Variants in MAP2 observed in about 807,000 individuals in gnomAD.
MAP2 encodes microtubule-associated protein 2.
MAP2 carries 14 observed loss-of-function variants against 137.6 expected under a neutral mutation model. That is an observed-to-expected ratio of 0.10 (90% CI 0.07 to 0.16). The LOEUF is 0.16. Among genes scored for constraint, MAP2 ranks in the 10% least tolerant of loss-of-function variants. The pLI, the probability that MAP2 is intolerant of heterozygous loss-of-function variation, is 1.00. For missense variants in MAP2, 2,088 were observed against 2,191.5 expected, an observed-to-expected ratio of 0.95 and a Z score of 0.94; for synonymous variants, 786 against 782.3, an observed-to-expected ratio of 1.00 and a Z score of -0.08.
chr2:209,495,634 T>C (rs2059660420), intron 1 of MAP2, among the ~76,000 whole-genome samples: 1 of 152,234 alleles, frequency 6.6e-6, no homozygotes. Context: ...AGAAAGGTAC[T>C]GGATATTCAA....
At chr2:209,679,910 A>G (rs3768817) in intron 6 of MAP2, among the ~76,000 whole-genome samples, 7,038 of 152,186 alleles carry the variant, frequency 0.046, 230 homozygotes, top group East Asian at 0.16. Context: ...TCTGCCTCTA[A>G]TAACTACTTT....
intron 3 of MAP2, among the ~76,000 whole-genome samples, chr2:209,582,358 AT>A (rs2076619897): frequency 6.6e-6 from 1 of 152,042 alleles, no homozygotes; most frequent in Non-Finnish European, 1.5e-5. Context: ...ACGGAATAGG[AT>A]TTTTCTGGTT....
intron 1 of MAP2, among the ~76,000 whole-genome samples, chr2:209,500,891 G>A (rs62213450): frequency 0.18 from 27,332 of 151,822 alleles, 3,159 homozygotes; most frequent in Non-Finnish European, 0.26. Context: ...AGAAAAATTA[G>A]TTGGGCATGG....
At chr2:209,578,633 A>G (rs74894331) in intron 2 of MAP2, among the ~76,000 whole-genome samples, 1,659 of 152,256 alleles carry the variant, frequency 0.011, 32 homozygotes, top group African/African-American at 0.037. Context: ...AATGCTGTAA[A>G]AATTAACTTA....
intron 1 of MAP2, among the ~76,000 whole-genome samples, chr2:209,479,813 A>G (rs144746780): frequency 2.0e-5 from 3 of 152,266 alleles, no homozygotes; most frequent in East Asian, 3.9e-4. Flanking sequence ...AGACTTGGTA[A>G]ATTATAACTT....
At chr2:209,666,691 C>G (rs1253405618) in intron 5 of MAP2, among the ~76,000 whole-genome samples, 1 of 151,826 alleles carries the variant, frequency 6.6e-6, no homozygotes. Context: ...TTAAATTACT[C>G]TAGCTGACTA....
chr2:209,714,519 A>G (rs1211401504), intron 13 of MAP2, among the ~76,000 whole-genome samples: 2 of 152,244 alleles, frequency 1.3e-5, no homozygotes, highest in Non-Finnish European at 2.9e-5. Flanking sequence ...AGAACTTTGT[A>G]AAATTTGTCA....
intron 1 of MAP2, among the ~76,000 whole-genome samples, chr2:209,475,376 A>G (rs1706952394): frequency 6.6e-6 from 1 of 152,118 alleles, no homozygotes; most frequent in South Asian, 2.1e-4. Context: ...CTGAAAGGCC[A>G]AATACTCCCT....
At chr2:209,452,830 A>G (rs1700626347) in intron 1 of MAP2, among the ~76,000 whole-genome samples, 1 of 152,156 alleles carries the variant, frequency 6.6e-6, no homozygotes, top group African/African-American at 2.4e-5. Context: ...CTTTGCTGCA[A>G]TCTTATAGCA....
intron 2 of MAP2, among the ~76,000 whole-genome samples, chr2:209,531,509 G>A (rs1423890724): frequency 6.6e-6 from 1 of 152,192 alleles, no homozygotes; most frequent in Non-Finnish European, 1.5e-5. Flanking sequence ...ATAATTAAAT[G>A]TGTGTTTGCC....
At chr2:209,443,379 T>A (rs974774043) in intron 1 of MAP2, among the ~76,000 whole-genome samples, 5 of 151,692 alleles carry the variant, frequency 3.3e-5, no homozygotes, top group African/African-American at 1.2e-4. Context: ...TACTATGTAC[T>A]GAATAATTAT....
rs535438273 is a variant in MAP2, at chr2:209,653,328, A to T, written c.158A>T (p.Asp53Val). The T allele has an allele frequency of 1.9e-6, 3 of 1,614,128 alleles. No individual in the cohort carries two copies. The Admixed American group carries it at 5.0e-5, about 27-fold the overall frequency. Reference sequence around the variant, plus strand: ...GCCAATGGATTCCCATACAGGGAGGATGAAGAGGGTGCCTTTGGAGAGCAT... The same window carrying T: ...GCCAATGGATTCCCATACAGGGAGGTTGAAGAGGGTGCCTTTGGAGAGCAT... ...RSANGFPYRE[D>V]EEGAFGEHGS... The change falls in exon 5 of 16, where the codon GAT (aspartate) becomes GTT (valine). Residue 53 changes from aspartate (D) to valine (V), a missense_variant. Coordinates refer to ENST00000682079, the MANE Select transcript of MAP2 (RefSeq NM_001375505.1).
intron 4 of MAP2, among the ~76,000 whole-genome samples, chr2:209,648,074 C>G (rs2094522878): frequency 6.6e-6 from 1 of 151,118 alleles, no homozygotes; most frequent in Non-Finnish European, 1.5e-5. Flanking sequence ...ATATCTCACC[C>G]TGATATCAAT....
chr2:209,460,201 A>G (rs1366864202), intron 1 of MAP2, among the ~76,000 whole-genome samples: 7 of 152,190 alleles, frequency 4.6e-5, no homozygotes, highest in Admixed American at 4.6e-4. Flanking sequence ...AAATTCTGGA[A>G]TTATCGTTTT....
At chr2:209,460,318 A>C (rs537946475) in intron 1 of MAP2, among the ~76,000 whole-genome samples, 1 of 152,196 alleles carries the variant, frequency 6.6e-6, no homozygotes, top group Non-Finnish European at 1.5e-5. Context: ...TATGTCAGCT[A>C]TGCCTATTCA....
intron 7 of MAP2, among the ~76,000 whole-genome samples, chr2:209,691,321 G>A (rs889167084): frequency 6.6e-6 from 1 of 151,722 alleles, no homozygotes; most frequent in African/African-American, 2.4e-5. Context: ...TATTTTTTAT[G>A]CTTCAATGAA....
intron 2 of MAP2, among the ~76,000 whole-genome samples, chr2:209,539,933 C>T (rs374949949): frequency 3.4e-5 from 3 of 87,314 alleles, no homozygotes; most frequent in Admixed American, 2.2e-4. Flanking sequence ...CCCCATCTCA[C>T]GAAAAAAAAA....
At chr2:209,687,631 C>G (rs1020097220) in intron 7 of MAP2, among the ~76,000 whole-genome samples, 4 of 152,044 alleles carry the variant, frequency 2.6e-5, no homozygotes, top group African/African-American at 9.7e-5. Flanking sequence ...CCTTCCTGCC[C>G]TTGTGTAGGT....
At chr2:209,519,998 A>AT (rs2063047054) in intron 2 of MAP2, among the ~76,000 whole-genome samples, 1 of 152,050 alleles carries the variant, frequency 6.6e-6, no homozygotes, top group African/African-American at 2.4e-5. Flanking sequence ...TCTACTTGAA[A>AT]TGTGTTTCAG....
Sources: allele counts gnomAD v4.1 joint callset (sites outside exome capture counted in the v4.1 genomes callset), GRCh38; gene constraint gnomAD v4.1.1; transcripts MANE v1.5; gene names NCBI Gene and HGNC (gene_info 2026-07-23, HGNC 2026-07-21).